Variants in ERC2 observed in about 807,000 individuals in gnomAD.
The protein encoded by ERC2 is ERC protein 2.
A neutral mutation model predicts 114.8 loss-of-function variants in ERC2; 42 were observed. That is an observed-to-expected ratio of 0.37 (90% CI 0.29 to 0.47). ERC2 has a LOEUF of 0.47. ERC2 is among the 20% of genes least tolerant of loss of function. The pLI, the probability that ERC2 is intolerant of heterozygous loss-of-function variation, is 0.99. For synonymous variants in ERC2, 454 were observed against 425.5 expected, an observed-to-expected ratio of 1.07 and a Z score of -0.82; for missense variants, 939 against 1,150.7, an observed-to-expected ratio of 0.82 and a Z score of 2.66.
At chr3:55,680,050 G>A (rs551723784) in intron 17 of ERC2, among the ~76,000 whole-genome samples, 15 of 152,212 alleles carry the variant, frequency 9.9e-5, no homozygotes, top group African/African-American at 2.9e-4. Context: ...CCACTTCCTC[G>A]TGTCTAAATG....
At chr3:56,153,322 G>A (rs917406178) in intron 4 of ERC2, among the ~76,000 whole-genome samples, 14 of 152,078 alleles carry the variant, frequency 9.2e-5, no homozygotes, top group Non-Finnish European at 1.3e-4. Flanking sequence ...ACAGATCAGC[G>A]GCACTGACAT....
chr3:56,226,004 T>C (rs75346348), intron 3 of ERC2, among the ~76,000 whole-genome samples: 2,203 of 152,328 alleles, frequency 0.014, 58 homozygotes, highest in African/African-American at 0.05. Context: ...TTTCTGTTTA[T>C]TGAAGTACTA....
intron 6 of ERC2, among the ~76,000 whole-genome samples, chr3:56,124,995 T>C (rs767214219): frequency 6.6e-6 from 1 of 152,230 alleles, no homozygotes; most frequent in African/African-American, 2.4e-5. Flanking sequence ...TCTTACTCTA[T>C]TGTATTTCAT....
At chr3:56,132,814 T>C (rs1330986972) in intron 6 of ERC2, among the ~76,000 whole-genome samples, 2 of 152,256 alleles carry the variant, frequency 1.3e-5, no homozygotes, top group Non-Finnish European at 2.9e-5. Flanking sequence ...TGTATGTATG[T>C]GTATGTTTGT....
intron 3 of ERC2, among the ~76,000 whole-genome samples, chr3:56,233,500 C>A (rs1052530826): frequency 6.6e-6 from 1 of 151,782 alleles, no homozygotes; most frequent in Non-Finnish European, 1.5e-5. Flanking sequence ...AAAAATTAGC[C>A]GGGAGTGGTG....
At chr3:55,920,192 T>C (rs2065336921) in intron 13 of ERC2, among the ~76,000 whole-genome samples, 2 of 152,090 alleles carry the variant, frequency 1.3e-5, no homozygotes. Flanking sequence ...TTTAAAAATG[T>C]CAAGCAAATA....
rs182156836 is a variant in ERC2, at chr3:56,460,770, T to C, written c.-141+7478A>G. On this transcript the variant is annotated intron_variant, in intron 1 of 17. Transcript: ENST00000288221. ...AATCACTACTTAATAACAGCCATTGTTATGGTAACTTATAGTCATTATTCC... is the reference window on the plus strand; with the variant it reads ...AATCACTACTTAATAACAGCCATTGCTATGGTAACTTATAGTCATTATTCC... Among the ~76,000 whole-genome samples, 3 of 152,284 alleles carry C rather than the reference T, an allele frequency of 2.0e-5. No individual in the cohort carries two copies. In the East Asian group the frequency reaches 5.8e-4, roughly 29 times the overall value.
At position 55,842,924 on chromosome 3, in the gene ERC2, A is replaced by T. The variant is rs201297312; in HGVS notation, c.2564+45465T>A. 3.9e-5 allele frequency among the ~76,000 whole-genome samples: 6 copies of T among 152,122 alleles called. No homozygotes were observed. The East Asian group carries it at 1.2e-3, about 30-fold the overall frequency. ...GTAAGAAGGACAAGGAGTGTGTGAG[A>T]GAGAGAGAGAGAAGGAGAGATCAGA... On this transcript the variant is annotated intron_variant, in intron 14 of 17. Coordinates refer to ENST00000288221, the MANE Select transcript of ERC2 (RefSeq NM_015576.3).
Position 56,080,891 on chromosome 3 carries a change from G to T in ERC2, c.1567C>A (p.Leu523Met). 6.2e-7 allele frequency: 1 copy of T among 1,613,670 alleles called. No homozygotes were observed. The highest frequency in any genetic ancestry group is 8.5e-7 in the Non-Finnish European group (1 of 1,179,750). The part of the protein sequence containing the change: ...LQDLTEEKGT[L>M]AGEIRDMKDM... Reference sequence around the variant, plus strand: ...TTCATGTCACGAATTTCACCGGCCAGTGTCCCCTTCTCTTCTGTGAGGTCC... The same window carrying T: ...TTCATGTCACGAATTTCACCGGCCATTGTCCCCTTCTCTTCTGTGAGGTCC... The change falls in exon 7 of 18, where the codon CTG becomes ATG. Residue 523 changes from leucine (L) to methionine (M), a missense_variant. Physicochemically the swap from Leu to Met is conservative, Grantham distance 15. Around this residue, in one of 5 missense-constraint regions of ERC2, gnomAD observed 149 missense variants for 254.6 expected, o/e 0.59. Transcript: ENST00000288221.
chr3:56,008,324 G>T (rs72880969), intron 9 of ERC2, among the ~76,000 whole-genome samples: 6,725 of 152,178 alleles, frequency 0.044, 517 homozygotes, highest in African/African-American at 0.15. Context: ...CTGGGGAACA[G>T]GTGAGCCATT....
intron 6 of ERC2, among the ~76,000 whole-genome samples, chr3:56,099,811 G>A (rs1461468397): frequency 3.9e-5 from 6 of 152,148 alleles, no homozygotes; most frequent in African/African-American, 1.4e-4. Flanking sequence ...GAACTCAGAG[G>A]TCTAAACTCC....
chr3:55,907,841 C>G (rs1227179314), intron 13 of ERC2, among the ~76,000 whole-genome samples: 1 of 152,232 alleles, frequency 6.6e-6, no homozygotes, highest in Non-Finnish European at 1.5e-5. Flanking sequence ...AGCCCTGTGC[C>G]TAGCCCTTAG....
intron 15 of ERC2, among the ~76,000 whole-genome samples, chr3:55,709,813 C>G (rs1369799207): frequency 6.6e-6 from 1 of 152,262 alleles, no homozygotes; most frequent in South Asian, 2.1e-4. Flanking sequence ...ACAGTTTTGA[C>G]TCCAGGAGGT....
chr3:55,798,717 T>C (rs1051825833), intron 14 of ERC2, among the ~76,000 whole-genome samples: 2 of 151,992 alleles, frequency 1.3e-5, no homozygotes, highest in African/African-American at 4.8e-5. Context: ...AACATGTTAC[T>C]GAGAGAAAAT....
chr3:56,029,478 C>T (rs538489545), intron 7 of ERC2, among the ~76,000 whole-genome samples: 3 of 152,096 alleles, frequency 2.0e-5, no homozygotes, highest in East Asian at 1.9e-4. Context: ...TTTTCAGGAG[C>T]CTTTTAACTA....
At chr3:56,231,862 G>A (rs1323313005) in intron 3 of ERC2, among the ~76,000 whole-genome samples, 3 of 137,180 alleles carry the variant, frequency 2.2e-5, no homozygotes, top group Non-Finnish European at 3.4e-5. Context: ...GATAAGAAAG[G>A]AAAATCATTC....
rs780698592 is a variant in ERC2, at chr3:55,992,187, C to T, written c.2125G>A (p.Asp709Asn). 3.3e-5 allele frequency: 53 copies of T among 1,613,748 alleles called. No homozygotes were observed. Among genetic ancestry groups the T allele is most frequent in the South Asian group, 2.9e-4 (26 of 91,082 alleles). Reference sequence around the variant, plus strand: ...TCGCGGTAGTAAGACGCCTCTTTATCGAGCTGTTTTATTTGGTCTGCAAAC... The same window carrying T: ...TCGCGGTAGTAAGACGCCTCTTTATTGAGCTGTTTTATTTGGTCTGCAAAC... ...PEFADQIKQL[D>N]KEASYYRDEC... The change falls in exon 11 of 18, where the codon GAT becomes AAT. Residue 709 changes from aspartate (D) to asparagine (N), a missense_variant. Physicochemically the swap from Asp to Asn is conservative, Grantham distance 23 (BLOSUM62 1). This residue lies in a region of ERC2 where 328 missense variants were observed against 353.9 expected (regional missense o/e 0.93). Coordinates refer to ENST00000288221, the MANE Select transcript of ERC2 (RefSeq NM_015576.3).
chr3:56,316,303 A>T (rs2056857930), intron 2 of ERC2, among the ~76,000 whole-genome samples: 1 of 152,250 alleles, frequency 6.6e-6, no homozygotes, highest in Admixed American at 6.5e-5. Flanking sequence ...TTTATGGTTT[A>T]AAAAAGAAAA....
At chr3:56,137,772 A>T (rs1386568773) in intron 6 of ERC2, among the ~76,000 whole-genome samples, 4 of 152,232 alleles carry the variant, frequency 2.6e-5, no homozygotes, top group Non-Finnish European at 4.4e-5. Flanking sequence ...CTAATACAGC[A>T]GCCACTAGCC....
Sources: allele counts gnomAD v4.1 joint callset (sites outside exome capture counted in the v4.1 genomes callset), GRCh38; gene constraint gnomAD v4.1.1; regional missense constraint gnomAD v4.1.1; transcripts MANE v1.5; gene names NCBI Gene and HGNC (gene_info 2026-07-23, HGNC 2026-07-21).